NKAIN2: variants seen among roughly 807,000 people sequenced by gnomAD.
NKAIN2 encodes the protein sodium/potassium-transporting ATPase subunit beta-1-interacting protein 2.
A neutral mutation model predicts 32.6 loss-of-function variants in NKAIN2; 14 were observed. The ratio of observed to expected loss-of-function variants is 0.43; its 90% CI spans 0.28 to 0.67. The LOEUF is 0.67. Ranked by LOEUF, NKAIN2 falls within the 30% of genes least tolerant of loss-of-function variation. NKAIN2 has a pLI of 0.17. For missense variants in NKAIN2, 198 were observed against 258.3 expected (o/e 0.77, Z 1.60); for synonymous variants, 80 against 87.2 (o/e 0.92, Z 0.46).
At chr6:124,236,411 A>G (rs1289180875) in intron 1 of NKAIN2, among the ~76,000 whole-genome samples, 1 of 152,132 alleles carries the variant, frequency 6.6e-6, no homozygotes, top group African/African-American at 2.4e-5. Flanking sequence ...TATTGATGGA[A>G]GTGGCATCGC....
intron 1 of NKAIN2, among the ~76,000 whole-genome samples, chr6:123,811,605 T>C (rs937234398): frequency 3.2e-4 from 34 of 106,492 alleles, no homozygotes; most frequent in African/African-American, 1.7e-3. Context: ...ATTTGAAAAA[T>C]AGGGCAAATA....
At chr6:124,517,511 C>A (rs1178216261) in intron 3 of NKAIN2, among the ~76,000 whole-genome samples, 1 of 152,094 alleles carries the variant, frequency 6.6e-6, no homozygotes, top group East Asian at 1.9e-4. Context: ...TAATCAGTTT[C>A]CTTACTCAGG....
chr6:123,888,308 G>T (rs1278603849), intron 1 of NKAIN2, among the ~76,000 whole-genome samples: 1 of 152,030 alleles, frequency 6.6e-6, no homozygotes, highest in Admixed American at 6.6e-5. Context: ...AACATCTTCA[G>T]CTCTTACATT....
intron 1 of NKAIN2, among the ~76,000 whole-genome samples, chr6:124,083,111 G>A (rs572416261): frequency 4.6e-5 from 7 of 151,662 alleles, no homozygotes; most frequent in African/African-American, 1.7e-4. Context: ...TATACCAAAG[G>A]AACTATATGT....
In NKAIN2 at chr6:124,628,645, T is replaced by TAAAC. The variant is rs1783447457; in HGVS notation, c.274-29539_274-29536dup. On this transcript the variant is annotated intron_variant, in intron 3 of 6. Transcript: ENST00000368417. The stretch of plus-strand genomic sequence containing the variant: ...TTTACATTCATAATCTAATTAGTAA[T>TAAAC]AAACAGATATTTCATGTCCCAAATT... Among the ~76,000 whole-genome samples the TAAAC allele has an allele frequency of 3.9e-5, 6 of 152,068 alleles. 1 individual carries two copies. The South Asian group carries it at 1.2e-3, about 32-fold the overall frequency.
At chr6:124,194,354 C>T (rs932672499) in intron 1 of NKAIN2, among the ~76,000 whole-genome samples, 2 of 152,006 alleles carry the variant, frequency 1.3e-5, no homozygotes, top group African/African-American at 4.8e-5. Flanking sequence ...TACATGTTTT[C>T]TTTTTATCTT....
chr6:124,643,397 A>G (rs1474824830), intron 3 of NKAIN2, among the ~76,000 whole-genome samples: 1 of 152,140 alleles, frequency 6.6e-6, no homozygotes, highest in African/African-American at 2.4e-5. Context: ...CTGTGGGTCT[A>G]TCTAAGCCTG....
intron 3 of NKAIN2, among the ~76,000 whole-genome samples, chr6:124,583,962 C>T (rs1256192220): frequency 6.6e-6 from 1 of 152,122 alleles, no homozygotes; most frequent in Non-Finnish European, 1.5e-5. Flanking sequence ...GAAACTAGAC[C>T]CCTATCTCTC....
chr6:124,135,010 A>G (rs1448323293), intron 1 of NKAIN2, among the ~76,000 whole-genome samples: 5 of 152,090 alleles, frequency 3.3e-5, no homozygotes, highest in African/African-American at 1.2e-4. Context: ...AAACAAAACA[A>G]TTGGCAGCCA....
At chr6:124,129,777 C>A (rs1217715134) in intron 1 of NKAIN2, among the ~76,000 whole-genome samples, 1 of 152,026 alleles carries the variant, frequency 6.6e-6, no homozygotes, top group Non-Finnish European at 1.5e-5. Flanking sequence ...GCCACCATGC[C>A]CAGCTAAGTT....
At chr6:124,709,059 A>G (rs1228177006) in intron 4 of NKAIN2, among the ~76,000 whole-genome samples, 1 of 122,792 alleles carries the variant, frequency 8.1e-6, no homozygotes, top group African/African-American at 3.2e-5. Context: ...GGGTTGTTGA[A>G]TTTTGTCAAA....
chr6:124,313,815 A>G (rs752027580), intron 2 of NKAIN2, among the ~76,000 whole-genome samples: 11 of 152,128 alleles, frequency 7.2e-5, no homozygotes, highest in Admixed American at 5.2e-4. Context: ...TCAATTTTCA[A>G]TGCAGAAAAT....
chr6:124,433,638 C>A (rs897563205), intron 3 of NKAIN2, among the ~76,000 whole-genome samples: 2 of 152,128 alleles, frequency 1.3e-5, no homozygotes, highest in Non-Finnish European at 2.9e-5. Flanking sequence ...TCACTGACAG[C>A]CAAGATTTAC....
At chr6:124,533,648 A>G (rs1177098994) in intron 3 of NKAIN2, among the ~76,000 whole-genome samples, 4 of 152,080 alleles carry the variant, frequency 2.6e-5, no homozygotes, top group African/African-American at 9.7e-5. Flanking sequence ...TGAAGAATAA[A>G]TATTATACAT....
intron 1 of NKAIN2, among the ~76,000 whole-genome samples, chr6:123,990,701 C>T (rs1293025034): frequency 6.6e-6 from 1 of 152,188 alleles, no homozygotes; most frequent in East Asian, 1.9e-4. Flanking sequence ...GGAATCTAAA[C>T]CATAACCACT....
At chr6:124,345,575 G>T (rs1274041446) in intron 2 of NKAIN2, among the ~76,000 whole-genome samples, 1 of 151,734 alleles carries the variant, frequency 6.6e-6, no homozygotes, top group Non-Finnish European at 1.5e-5. Flanking sequence ...GAGTGTATGT[G>T]TCGAGGAATT....
At chr6:124,601,246 G>A (rs928426518) in intron 3 of NKAIN2, among the ~76,000 whole-genome samples, 1 of 151,966 alleles carries the variant, frequency 6.6e-6, no homozygotes, top group Admixed American at 6.6e-5. Context: ...AAAGCCAATG[G>A]GAGTTGTACC....
At chr6:124,476,891 T>A (rs192697240) in intron 3 of NKAIN2, among the ~76,000 whole-genome samples, 1 of 152,246 alleles carries the variant, frequency 6.6e-6, no homozygotes, top group Admixed American at 6.5e-5. Context: ...TTAGGCAAGC[T>A]TCTGTTTACA....
chr6:124,071,248 C>G (rs1169697258), intron 1 of NKAIN2, among the ~76,000 whole-genome samples: 1 of 152,068 alleles, frequency 6.6e-6, no homozygotes, highest in African/African-American at 2.4e-5. Flanking sequence ...ATAAATGGTG[C>G]TGGGAAAACT....
Sources: allele counts gnomAD v4.1 joint callset (sites outside exome capture counted in the v4.1 genomes callset), GRCh38; gene constraint gnomAD v4.1.1; transcripts MANE v1.5; gene names NCBI Gene and HGNC (gene_info 2026-07-23, HGNC 2026-07-21).